Variants in XG observed in about 807,000 individuals in gnomAD.
The protein encoded by XG is glycoprotein Xg.
A neutral mutation model predicts 25.7 loss-of-function variants in XG; 24 were observed. That is an observed-to-expected ratio of 0.93 (90% confidence interval 0.68 to 1.31). XG has a LOEUF of 1.31. Among genes scored for constraint, XG ranks in the 40% most tolerant of loss-of-function variants. The pLI is 0.00. For missense variants in XG, 181 were observed against 187.6 expected, an observed-to-expected ratio of 0.96 and a Z score of 0.21; for synonymous variants, 77 against 69.2, an observed-to-expected ratio of 1.11 and a Z score of -0.56.
intron 1 of XG, among the ~76,000 whole-genome samples, chrX:2,765,755 T>C (rs192952333): frequency 0.013 from 1,975 of 152,314 alleles, 24 homozygotes; most frequent in Middle Eastern, 0.027. Flanking sequence ...GCAGCTGTGC[T>C]GGTGGCAGCT....
chrX:2,790,415 G>T (rs2086825538), intron 5 of XG, among the ~76,000 whole-genome samples: 1 of 107,893 alleles, frequency 9.3e-6, no homozygotes, highest in African/African-American at 3.4e-5. Context: ...CAGGAGAATC[G>T]CTTGAACCCG....
chrX:2,799,973 T>G (rs1045018026), intron 7 of XG, among the ~76,000 whole-genome samples: 1 of 112,136 alleles, frequency 8.9e-6, no homozygotes, highest in Non-Finnish European at 1.9e-5. Flanking sequence ...GGACATGATC[T>G]TGTTCTTTTT....
chrX:2,759,258 CAG>C (rs2050507964), intron 1 of XG, among the ~76,000 whole-genome samples: 1 of 152,190 alleles, frequency 6.6e-6, no homozygotes, highest in Non-Finnish European at 1.5e-5. Flanking sequence ...GCACCCATGA[CAG>C]AGAGTTACGC....
rs1305438722 is a variant in XG at position 2,774,070 on chromosome X, C to T, written c.104-646C>T. 4.6e-5 allele frequency among the ~76,000 whole-genome samples: 7 copies of T among 152,140 alleles called. 1 individual carries two copies. Among genetic ancestry groups the T allele is most frequent in the Admixed American group, 3.9e-4 (6 of 15,260 alleles). Reference sequence around the variant, plus strand: ...GGCAATGCTAGGCTGTTATGTAAACCATGCTTTCAAATACGGTGTTTCCTC... The same window carrying T: ...GGCAATGCTAGGCTGTTATGTAAACTATGCTTTCAAATACGGTGTTTCCTC... On this transcript the variant is annotated intron_variant, in intron 2 of 10. Transcript: ENST00000644266.
intron 3 of XG, among the ~76,000 whole-genome samples, chrX:2,780,425 T>TTTCAA (rs1556369958): frequency 7.9e-6 from 1 of 126,664 alleles, no homozygotes; most frequent in Non-Finnish European, 1.6e-5. Context: ...TTTTTTTTTC[T>TTTCAA]AAAAAAAAAA....
At chrX:2,785,851 A>G (rs1271490278) in intron 4 of XG, among the ~76,000 whole-genome samples, 3 of 111,444 alleles carry the variant, frequency 2.7e-5, no homozygotes, top group Admixed American at 9.6e-5. Context: ...TTCTGGAACA[A>G]TCCCTCAGAC....
chrX:2,754,596 T>G (rs1441375530), intron 1 of XG, among the ~76,000 whole-genome samples: 1 of 152,068 alleles, frequency 6.6e-6, no homozygotes, highest in Non-Finnish European at 1.5e-5. Flanking sequence ...TATTAAGTAT[T>G]AACTCATATG....
intron 4 of XG, among the ~76,000 whole-genome samples, chrX:2,787,460 G>C (rs1243481218): frequency 5.4e-5 from 6 of 111,388 alleles, no homozygotes; most frequent in Non-Finnish European, 1.1e-4. Flanking sequence ...GGTACCCAGA[G>C]ACTTCCTGAA....
intron 10 of XG, among the ~76,000 whole-genome samples, chrX:2,811,855 C>G (rs896513453): frequency 2.7e-5 from 3 of 111,595 alleles, no homozygotes; most frequent in Non-Finnish European, 5.6e-5. Flanking sequence ...CTTGGCCTCC[C>G]AAAGTTCTGA....
chrX:2,788,694 A>G (rs1283730567), intron 4 of XG, among the ~76,000 whole-genome samples: 5 of 110,632 alleles, frequency 4.5e-5, no homozygotes, highest in Non-Finnish European at 9.5e-5. Flanking sequence ...ATCTCTACTA[A>G]AAATACAAAA....
chrX:2,776,040 A>G (rs1300485396), intron 3 of XG, among the ~76,000 whole-genome samples: 2 of 152,066 alleles, frequency 1.3e-5, no homozygotes, highest in African/African-American at 2.4e-5. Flanking sequence ...CTGTAATCCC[A>G]GCACTTTGGG....
intron 1 of XG, among the ~76,000 whole-genome samples, chrX:2,760,112 T>C (rs1489540391): frequency 1.3e-5 from 2 of 151,774 alleles, no homozygotes; most frequent in Non-Finnish European, 2.9e-5. Context: ...GATTGTGCCA[T>C]TGCACTGCAG....
intron 7 of XG, among the ~76,000 whole-genome samples, chrX:2,801,208 A>G (rs1434343880): frequency 9.0e-6 from 1 of 110,754 alleles, no homozygotes; most frequent in Non-Finnish European, 1.9e-5. Flanking sequence ...TGTCTGGGGT[A>G]CATACCTGGG....
At chrX:2,792,297 C>T (rs142983652) in intron 5 of XG, among the ~76,000 whole-genome samples, 1 of 110,640 alleles carries the variant, frequency 9.0e-6, no homozygotes, top group South Asian at 3.9e-4. Context: ...ATCTCAAAAA[C>T]AGTAAAAATA....
At chrX:2,755,966 G>A (rs1396733622) in intron 1 of XG, among the ~76,000 whole-genome samples, 1 of 152,182 alleles carries the variant, frequency 6.6e-6, no homozygotes, top group African/African-American at 2.4e-5. Context: ...GTTGATGGGT[G>A]CAGCAAACCA....
At chrX:2,787,745 A>G (rs1301124185) in intron 4 of XG, among the ~76,000 whole-genome samples, 3 of 110,361 alleles carry the variant, frequency 2.7e-5, no homozygotes, top group Non-Finnish European at 5.7e-5. Flanking sequence ...TGTCTCTACT[A>G]AAAATACAAA....
chrX:2,808,192 T>G lies in XG; in HGVS notation c.426T>G (p.Asp142Glu). 1 of 1,211,058 alleles carries G rather than the reference T, an allele frequency of 8.3e-7. No individual in the cohort carries two copies. The highest frequency in any genetic ancestry group is 1.8e-5 in the South Asian group (1 of 56,871). ...ATCCTTTTCCGCTTACAGGTGGAGATCACCATTCAACGTATGGCAATCCAG... is the reference window on the plus strand; with the variant it reads ...ATCCTTTTCCGCTTACAGGTGGAGAGCACCATTCAACGTATGGCAATCCAG... ...NSRYGNTYGG[D>E]HHSTYGNPEG... The change falls in exon 9 of 11, where the codon GAT becomes GAG. Residue 142 changes from aspartate (D) to glutamate (E), a missense_variant. By Grantham distance (45) the Asp-to-Glu change is conservative. Transcript: ENST00000644266.
chrX:2,772,905 A>G (rs2050853450), intron 2 of XG, among the ~76,000 whole-genome samples: 1 of 152,190 alleles, frequency 6.6e-6, no homozygotes, highest in Non-Finnish European at 1.5e-5. Context: ...ATGGGAAGGA[A>G]GCCCCAGTGC....
intron 1 of XG, among the ~76,000 whole-genome samples, chrX:2,764,409 G>A (rs918037888): frequency 2.6e-4 from 39 of 152,102 alleles, no homozygotes; most frequent in Non-Finnish European, 4.7e-4. Flanking sequence ...ACCCTGTCCT[G>A]GGGTCTGATT....
Sources: allele counts gnomAD v4.1 joint callset (sites outside exome capture counted in the v4.1 genomes callset), GRCh38; gene constraint gnomAD v4.1.1; transcripts MANE v1.5; gene names NCBI Gene and HGNC (gene_info 2026-07-23, HGNC 2026-07-21).